Variants in MAP3K7 observed in about 807,000 individuals in gnomAD.
The protein encoded by MAP3K7 is mitogen-activated protein kinase kinase kinase 7.
A neutral mutation model predicts 84.8 loss-of-function variants in MAP3K7; 21 were observed. The observed-to-expected ratio is 0.25, with a 90% confidence interval of 0.18 to 0.36. The LOEUF is 0.36. Among genes scored for constraint, MAP3K7 ranks in the 10% least tolerant of loss-of-function variants. The pLI is 1.00. For missense variants in MAP3K7, 503 were observed against 747.7 expected (o/e 0.67, Z 3.82); for synonymous variants, 241 against 247.7 (o/e 0.97, Z 0.25).
chr6:90,553,454 G>A lies in MAP3K7; in HGVS notation c.736+4C>T, dbSNP rs201582545. 29 of 1,599,480 alleles carry A rather than the reference G, an allele frequency of 1.8e-5. No individual in the cohort carries two copies. The highest frequency in any genetic ancestry group is 3.6e-5 in the Admixed American group (2 of 55,844). ...ACTTTTAAGAAAAATTTCTTTTTAC[G>A]AACCATTATGAACAGCCCACATGAT... On this transcript the variant is annotated splice_donor_region_variant and intron_variant, in intron 7 of 16. Coordinates refer to ENST00000369329, the MANE Select transcript of MAP3K7 (RefSeq NM_145331.3).
intron 13 of MAP3K7, among the ~76,000 whole-genome samples, chr6:90,526,642 T>TA (rs1775331139): frequency 6.6e-6 from 1 of 151,512 alleles, no homozygotes; most frequent in African/African-American, 2.4e-5. Context: ...CTAACTTAGT[T>TA]AAAAAAAAGA....
chr6:90,544,442 G>A (rs886535871), intron 12 of MAP3K7, 110 bp downstream of exon 12: 7 of 877,488 alleles, frequency 8.0e-6, no homozygotes, highest in Admixed American at 1.9e-5. Flanking sequence ...TGCATGCAAG[G>A]TATCCATTTT....
rs746014933 is a variant in MAP3K7, at chr6:90,547,372, A to G, written c.1096T>C (p.Leu366=). 1 of 1,611,496 alleles carries G rather than the reference A, an allele frequency of 6.2e-7. No homozygotes were observed. Among genetic ancestry groups the G allele is most frequent in the East Asian group, 2.2e-5 (1 of 44,762 alleles). ...QAKQQSESGR[L]SLGASRGSSV... ...CTCCCACGGGAGGCTCCCAAGCTTA[A>G]ACGTCCAGATTCACTCTGTTAAAAT... is the stretch of plus-strand genomic sequence containing the variant. The change falls in exon 11 of 17, where the codon TTA becomes CTA. Residue 366 remains leucine (L), a synonymous_variant. Transcript: ENST00000369329.
intron 1 of MAP3K7, among the ~76,000 whole-genome samples, chr6:90,586,299 G>C (rs1225401435): frequency 1.3e-5 from 2 of 149,104 alleles, no homozygotes; most frequent in African/African-American, 4.9e-5. Context: ...GTGAACCCGG[G>C]AAGCGGAGCT....
intron 4 of MAP3K7, among the ~76,000 whole-genome samples, chr6:90,560,727 T>C (rs973977963): frequency 6.6e-6 from 1 of 152,204 alleles, no homozygotes. Flanking sequence ...ATTGCCATGA[T>C]ATTAACATTT....
chr6:90,553,657 A>C, intron 6 of MAP3K7, 71 bp from the exon 7 acceptor site: 1 of 1,316,194 alleles, frequency 7.6e-7, no homozygotes, highest in Non-Finnish European at 1.1e-6. Flanking sequence ...CAATGGCTTA[A>C]ATTTTGAGAA....
chr6:90,555,507 A>T (rs1301253509), intron 6 of MAP3K7, among the ~76,000 whole-genome samples: 1 of 152,124 alleles, frequency 6.6e-6, no homozygotes, highest in Non-Finnish European at 1.5e-5. Flanking sequence ...CGCCCACCTC[A>T]GCCTCCCAAA....
Position 90,548,106 on chromosome 6 carries a change from T to C in MAP3K7, c.1021A>G (p.Thr341Ala). The C allele has an allele frequency of 1.9e-6, 3 of 1,612,410 alleles. No individual in the cohort carries two copies. Among genetic ancestry groups the C allele is most frequent in the South Asian group, 1.1e-5 (1 of 90,966 alleles). Reference sequence around the variant, plus strand: ...TCTAAGCGCTTAATAGTATCATTTGTGGCAGGAACTTGCTCCATATTAGTG... The same window carrying C: ...TCTAAGCGCTTAATAGTATCATTTGCGGCAGGAACTTGCTCCATATTAGTG... ...SDTNMEQVPA[T>A]NDTIKRLESK... Residue 341 changes from threonine (T) to alanine (A), a missense_variant, in exon 10 of 17, where the codon ACA becomes GCA. Coordinates refer to ENST00000369329, the MANE Select transcript of MAP3K7 (RefSeq NM_145331.3).
chr6:90,522,917 T>C (rs1775198241), intron 14 of MAP3K7, among the ~76,000 whole-genome samples: 1 of 152,160 alleles, frequency 6.6e-6, no homozygotes, highest in Admixed American at 6.6e-5. Context: ...AGATCATCTT[T>C]CCCTTCGTGA....
At chr6:90,577,648 G>A (rs374960728) in intron 1 of MAP3K7, among the ~76,000 whole-genome samples, 2 of 152,192 alleles carry the variant, frequency 1.3e-5, no homozygotes, top group East Asian at 1.9e-4. Flanking sequence ...AGAAAAAGAC[G>A]TTCCAGAAGG....
At chr6:90,566,742 C>A (rs1311328757) in intron 3 of MAP3K7, among the ~76,000 whole-genome samples, 1 of 152,058 alleles carries the variant, frequency 6.6e-6, no homozygotes, top group Non-Finnish European at 1.5e-5. Context: ...CAAAAAAGAG[C>A]CCACATTGCC....
chr6:90,534,760 C>A (rs907874062), intron 13 of MAP3K7, among the ~76,000 whole-genome samples: 4 of 152,182 alleles, frequency 2.6e-5, no homozygotes, highest in African/African-American at 9.6e-5. Flanking sequence ...AAACTAGTAG[C>A]TGCTCCTGAC....
intron 1 of MAP3K7, among the ~76,000 whole-genome samples, chr6:90,578,907 T>C (rs1562112219): frequency 6.6e-6 from 1 of 152,216 alleles, no homozygotes; most frequent in Non-Finnish European, 1.5e-5. Flanking sequence ...ATATTACAAC[T>C]TGTAAAGCTC....
intron 1 of MAP3K7, among the ~76,000 whole-genome samples, chr6:90,585,091 C>A (rs1043969447): frequency 6.6e-6 from 1 of 152,130 alleles, no homozygotes; most frequent in African/African-American, 2.4e-5. Context: ...CATATAATGT[C>A]TACTAAGATC....
In MAP3K7 at chr6:90,547,360, C is replaced by T. The variant is rs757475227; in HGVS notation, c.1108G>A (p.Ala370Thr). The T allele has an allele frequency of 3.1e-6, 5 of 1,611,886 alleles. No individual in the cohort carries two copies. The highest frequency in any genetic ancestry group is 1.7e-5 in the Admixed American group (1 of 59,428). ...CTCTCCACACTGCTCCCACGGGAGG[C>T]TCCCAAGCTTAAACGTCCAGATTCA... ...QSESGRLSLG[A>T]SRGSSVESLP... The change falls in exon 11 of 17, where the codon GCC (alanine) becomes ACC (threonine). Residue 370 changes from alanine (A) to threonine (T), a missense_variant. By Grantham distance (58) the Ala-to-Thr change is moderately conservative. This residue lies in a region of MAP3K7 where 286 missense variants were observed against 313.6 expected (regional missense o/e 0.91). Transcript: ENST00000369329.
At chr6:90,523,208 A>G (rs1340252028) in intron 14 of MAP3K7, among the ~76,000 whole-genome samples, 2 of 152,166 alleles carry the variant, frequency 1.3e-5, no homozygotes, top group Non-Finnish European at 2.9e-5. Flanking sequence ...TCAGTTAAAA[A>G]CAATTCAAAA....
At chr6:90,541,307 C>T (rs994665915) in intron 12 of MAP3K7, among the ~76,000 whole-genome samples, 2 of 151,928 alleles carry the variant, frequency 1.3e-5, no homozygotes, top group African/African-American at 4.8e-5. Context: ...CAAGCAAATG[C>T]ATTAGAAAAC....
At chr6:90,517,916 T>C (rs1775020203) in intron 16 of MAP3K7, among the ~76,000 whole-genome samples, 1 of 151,778 alleles carries the variant, frequency 6.6e-6, no homozygotes, top group South Asian at 2.1e-4. Flanking sequence ...ATGGAGGTCA[T>C]GCTTAAGAAA....
At chr6:90,580,760 T>A (rs1384132950) in intron 1 of MAP3K7, among the ~76,000 whole-genome samples, 1 of 152,248 alleles carries the variant, frequency 6.6e-6, no homozygotes. Flanking sequence ...ATTTCAGATA[T>A]TCTTCATAAT....
Sources: allele counts gnomAD v4.1 joint callset (sites outside exome capture counted in the v4.1 genomes callset), GRCh38; gene constraint gnomAD v4.1.1; regional missense constraint gnomAD v4.1.1; transcripts MANE v1.5; gene names NCBI Gene and HGNC (gene_info 2026-07-23, HGNC 2026-07-21).